The following CORO2B variants were observed in gnomAD, a reference collection of about 807,000 sequenced individuals.
CORO2B encodes coronin-2B.
Under a neutral mutation model 58.8 loss-of-function variants are expected in CORO2B, and 26 were observed. The observed-to-expected ratio is 0.44, with a 90% confidence interval of 0.32 to 0.61. The LOEUF is 0.61. Among genes scored for constraint, CORO2B ranks in the 20% least tolerant of loss-of-function variants. CORO2B has a pLI of 0.04. For missense variants in CORO2B, 460 were observed against 645.1 expected (o/e 0.71, Z 3.11); for synonymous variants, 242 against 253.8 (o/e 0.95, Z 0.44).
chr15:68,717,876 G>A (rs771028649), intron 8 of CORO2B, among the ~76,000 whole-genome samples: 3 of 152,178 alleles, frequency 2.0e-5, no homozygotes, highest in African/African-American at 7.2e-5. Flanking sequence ...TGCTCGTCAC[G>A]GTGCCAGGCA....
At chr15:68,654,065 G>C (rs8028464) in intron 2 of CORO2B, among the ~76,000 whole-genome samples, 2 of 152,216 alleles carry the variant, frequency 1.3e-5, no homozygotes, top group Non-Finnish European at 2.9e-5. Flanking sequence ...TTTGGAAAAG[G>C]GAGGAGAATT....
intron 2 of CORO2B, 59 bp from the exon 3 acceptor site, chr15:68,695,081 G>T: frequency 7.3e-7 from 1 of 1,360,804 alleles, no homozygotes. Context: ...CTCCATTCAA[G>T]GCCACCCCAG....
intron 2 of CORO2B, among the ~76,000 whole-genome samples, chr15:68,669,463 G>A (rs1368930351): frequency 6.6e-6 from 1 of 152,186 alleles, no homozygotes; most frequent in Non-Finnish European, 1.5e-5. Flanking sequence ...AGCCTGGTGG[G>A]TGGGATGTGT....
At chr15:68,613,482 G>T (rs559950332) in intron 1 of CORO2B, among the ~76,000 whole-genome samples, 2 of 152,266 alleles carry the variant, frequency 1.3e-5, no homozygotes, top group Admixed American at 1.3e-4. Flanking sequence ...GGCAAAGCTT[G>T]AAGGACCAGT....
At chr15:68,718,617 C>G in intron 8 of CORO2B, 81 bp from the exon 9 acceptor site, 1 of 1,238,044 alleles carries the variant, frequency 8.1e-7, no homozygotes, top group Non-Finnish European at 1.2e-6. Flanking sequence ...CAGCCTTTCC[C>G]CTGGCCCAGA....
At chr15:68,635,764 C>G (rs887978425) in intron 1 of CORO2B, among the ~76,000 whole-genome samples, 3 of 152,180 alleles carry the variant, frequency 2.0e-5, no homozygotes, top group Admixed American at 1.3e-4. Context: ...TCTGGTCCTG[C>G]AAATAGGGGG....
At chr15:68,659,768 T>C (rs1901953657) in intron 2 of CORO2B, among the ~76,000 whole-genome samples, 1 of 152,206 alleles carries the variant, frequency 6.6e-6, no homozygotes, top group Non-Finnish European at 1.5e-5. Context: ...ACCCCGTCTC[T>C]ACTAAAAATA....
chr15:68,524,184 C>A, the CORO2B span, among the ~76,000 whole-genome samples: 1 of 151,956 alleles, frequency 6.6e-6, no homozygotes, highest in African/African-American at 2.4e-5. Context: ...TGCACCACTG[C>A]ACTCCAGCCT....
At chr15:68,698,049 C>G (rs1403687105) in intron 3 of CORO2B, among the ~76,000 whole-genome samples, 1 of 152,162 alleles carries the variant, frequency 6.6e-6, no homozygotes, top group African/African-American at 2.4e-5. Flanking sequence ...GCTCCTCTAC[C>G]CACTCTGGGA....
chr15:68,702,834 T>C (rs1892687511), intron 3 of CORO2B, among the ~76,000 whole-genome samples: 2 of 141,834 alleles, frequency 1.4e-5, no homozygotes, highest in Admixed American at 7.0e-5. Context: ...TTTTTTTTTT[T>C]TTTTTTTTTT....
chr15:68,549,749 G>T, the CORO2B span, among the ~76,000 whole-genome samples: 1 of 152,072 alleles, frequency 6.6e-6, no homozygotes, highest in Admixed American at 6.6e-5. Flanking sequence ...GAGCAGCCTG[G>T]CTGACATGGT....
At chr15:68,702,606 G>C (rs978779872) in intron 3 of CORO2B, among the ~76,000 whole-genome samples, 1 of 152,002 alleles carries the variant, frequency 6.6e-6, no homozygotes, top group Non-Finnish European at 1.5e-5. Flanking sequence ...AAGAAACGGG[G>C]AGGAGAGAGC....
At chr15:68,615,496 G>A (rs907636905) in intron 1 of CORO2B, among the ~76,000 whole-genome samples, 1 of 152,196 alleles carries the variant, frequency 6.6e-6, no homozygotes, top group African/African-American at 2.4e-5. Flanking sequence ...TAGATGAGAA[G>A]CAGAAGTGCT....
At chr15:68,571,687 G>A in the CORO2B span, among the ~76,000 whole-genome samples, 11 of 152,180 alleles carry the variant, frequency 7.2e-5, no homozygotes, top group East Asian at 1.7e-3. Context: ...AAAAACATTC[G>A]CCCAAGGCAC....
chr15:68,575,577 G>GCCCCCA (rs78111726), upstream of CORO2B, among the ~76,000 whole-genome samples: 3 of 38,752 alleles, frequency 7.7e-5, 1 homozygote, highest in Non-Finnish European at 1.7e-4. Context: ...CTTGTGATCT[G>GCCCCCA]CCCCCGCCTC....
At chr15:68,716,952 G>T (rs1454962934) in intron 8 of CORO2B, among the ~76,000 whole-genome samples, 1 of 152,032 alleles carries the variant, frequency 6.6e-6, no homozygotes, top group Non-Finnish European at 1.5e-5. Flanking sequence ...TTATGGGGAG[G>T]GTTCTTTTTC....
intron 8 of CORO2B, among the ~76,000 whole-genome samples, chr15:68,716,022 T>C (rs1265590815): frequency 3.9e-5 from 6 of 152,204 alleles, no homozygotes; most frequent in Non-Finnish European, 8.8e-5. Flanking sequence ...TTGCTTTCCC[T>C]GTGGGTCTGG....
chr15:68,675,991 T>G (rs1902573993), intron 2 of CORO2B, among the ~76,000 whole-genome samples: 1 of 151,988 alleles, frequency 6.6e-6, no homozygotes, highest in African/African-American at 2.4e-5. Flanking sequence ...TAGAATAGAA[T>G]AGAATAATGC....
intron 1 of CORO2B, among the ~76,000 whole-genome samples, chr15:68,627,143 A>G (rs1900705235): frequency 6.6e-6 from 1 of 152,230 alleles, no homozygotes; most frequent in Non-Finnish European, 1.5e-5. Context: ...GTTAATTCCT[A>G]TAAGCTGCTT....
Sources: allele counts gnomAD v4.1 joint callset (sites outside exome capture counted in the v4.1 genomes callset), GRCh38; gene constraint gnomAD v4.1.1; transcripts MANE v1.5; gene names NCBI Gene and HGNC (gene_info 2026-07-23, HGNC 2026-07-21).